The following PGS1 variants were observed in gnomAD, a reference collection of about 807,000 sequenced individuals.
PGS1 encodes the protein CDP-diacylglycerol--glycerol-3-phosphate 3-phosphatidyltransferase, mitochondrial.
A neutral mutation model predicts 58.3 loss-of-function variants in PGS1; 44 were observed. That is an observed-to-expected ratio of 0.75 (90% CI 0.59 to 0.97). The LOEUF (loss-of-function observed/expected upper bound fraction) is 0.97, where lower values mean the gene tolerates loss of function less well. PGS1 is among the 50% of genes least tolerant of loss of function. The pLI, the probability that PGS1 is intolerant of heterozygous loss-of-function variation, is 0.00. For missense variants in PGS1, 684 were observed against 731.1 expected (o/e 0.94, Z 0.74); for synonymous variants, 330 against 311.0 (o/e 1.06, Z -0.64).
intron 6 of PGS1, among the ~76,000 whole-genome samples, chr17:78,403,230 C>T (rs1041767893): frequency 6.6e-6 from 1 of 152,036 alleles, no homozygotes; most frequent in Non-Finnish European, 1.5e-5. Context: ...ATGTCCCCCC[C>T]AAGGAATTAT....
Position 78,395,144 on chromosome 17 carries a change from T to C in PGS1, c.334-1164T>C, listed in dbSNP as rs535843058. Among the ~76,000 whole-genome samples the C allele has an allele frequency of 5.3e-5, 8 of 152,322 alleles. No homozygotes were observed. The South Asian group carries it at 1.7e-3, about 32-fold the overall frequency. Reference sequence around the variant, plus strand: ...GGCGCACAGCGAGAAGGGAGGACAGTGCTGGTTTCTGCCTGGTCCCCATGT... The same window carrying C: ...GGCGCACAGCGAGAAGGGAGGACAGCGCTGGTTTCTGCCTGGTCCCCATGT... On this transcript the variant is annotated intron_variant, in intron 2 of 9. Transcript: ENST00000262764.
chr17:78,399,262 G>A, intron 4 of PGS1, 86 bp from the exon 5 acceptor site: 1 of 1,036,286 alleles, frequency 9.6e-7, no homozygotes, highest in Non-Finnish European at 1.5e-6. Context: ...ACAGGTGAAG[G>A]CGAGGCCACG....
intron 8 of PGS1, among the ~76,000 whole-genome samples, chr17:78,418,774 C>A (rs991128385): frequency 3.3e-5 from 5 of 152,054 alleles, no homozygotes; most frequent in African/African-American, 1.2e-4. Flanking sequence ...TTGCCCTCAG[C>A]ACTAAGCGTT....
At chr17:78,414,786 G>A in intron 7 of PGS1, 93 bp from the exon 8 acceptor site, 1 of 1,455,912 alleles carries the variant, frequency 6.9e-7, no homozygotes, top group Non-Finnish European at 9.4e-7. Context: ...ACCCAGGGCA[G>A]GCCGCCTTTC....
chr17:78,400,940 C>A lies in PGS1; in HGVS notation c.880+85C>A. 1 of 1,226,454 alleles carries A rather than the reference C, an allele frequency of 8.2e-7. No homozygotes were observed. The highest frequency in any genetic ancestry group is 1.1e-6 in the Non-Finnish European group (1 of 891,504). The allele number at this position is 1,226,454 out of a possible 1,614,324, so 76.0% of individuals were successfully genotyped here. A position where few individuals can be genotyped will look rare whatever the true frequency, so the allele number is the denominator to read the frequency against. The stretch of plus-strand genomic sequence containing the variant: ...AGAGCACAACTCTAGGTGGTTCTGC[C>A]ACAGGCATAGGGGACTTGGGTGGCA... On this transcript the variant is annotated intron_variant, in intron 6 of 9. Coordinates refer to ENST00000262764, the MANE Select transcript of PGS1 (RefSeq NM_024419.5). This position sits in a 1 kb window ranked among gnomAD's most constrained non-coding sequence, Gnocchi z 4.4.
chr17:78,416,485 G>GA (rs2146324582), intron 8 of PGS1, among the ~76,000 whole-genome samples: 1 of 152,324 alleles, frequency 6.6e-6, no homozygotes, highest in African/African-American at 2.4e-5. Context: ...TTGCTTGGGG[G>GA]AGCAAGTCCT....
intron 5 of PGS1, among the ~76,000 whole-genome samples, 171 bp downstream of exon 5, chr17:78,399,708 G>A (rs1263174786): frequency 1.3e-5 from 2 of 152,348 alleles, no homozygotes; most frequent in East Asian, 1.9e-4. Flanking sequence ...ACTGAGGCTA[G>A]AATTCCCCGG....
intron 7 of PGS1, among the ~76,000 whole-genome samples, chr17:78,413,786 G>A (rs1209272700): frequency 6.6e-6 from 1 of 152,228 alleles, no homozygotes; most frequent in African/African-American, 2.4e-5. Flanking sequence ...CTGGGCTGCG[G>A]GAGTCGGCCC....
At chr17:78,397,333 T>C (rs1209313422) in intron 3 of PGS1, among the ~76,000 whole-genome samples, 1 of 152,216 alleles carries the variant, frequency 6.6e-6, no homozygotes, top group Admixed American at 6.5e-5. Context: ...TCTTGGTCTG[T>C]CCTTGTTCAG....
intron 7 of PGS1, among the ~76,000 whole-genome samples, chr17:78,404,808 G>A (rs542383453): frequency 6.6e-6 from 1 of 152,240 alleles, no homozygotes; most frequent in South Asian, 2.1e-4. Context: ...TTACAGGCCT[G>A]TACCACCACG....
intron 2 of PGS1, among the ~76,000 whole-genome samples, chr17:78,395,289 C>T (rs1330176001): frequency 6.6e-6 from 1 of 152,178 alleles, no homozygotes; most frequent in Non-Finnish European, 1.5e-5. Flanking sequence ...TCATCACCCC[C>T]ACAAACATCT....
chr17:78,396,031 C>T (rs565737648), intron 2 of PGS1, among the ~76,000 whole-genome samples: 1 of 152,390 alleles, frequency 6.6e-6, no homozygotes, highest in East Asian at 1.9e-4. Context: ...TGAGCCACTA[C>T]ACCCAGCCTG....
rs79238954 is a variant in PGS1, at chr17:78,398,888, G to C, written c.512-460G>C. On this transcript the variant is annotated intron_variant, in intron 4 of 9. Coordinates refer to ENST00000262764, the MANE Select transcript of PGS1 (RefSeq NM_024419.5). Reference sequence around the variant, plus strand: ...CTTTTGGAAGAGTCTGATTCCATGAGAATCGGGTCAAAGCTCCTGACTGGC... The same window carrying C: ...CTTTTGGAAGAGTCTGATTCCATGACAATCGGGTCAAAGCTCCTGACTGGC... 1.1e-3 allele frequency among the ~76,000 whole-genome samples: 175 copies of C among 152,288 alleles called. 5 individuals are homozygous for C. The East Asian group carries it at 0.033, about 29-fold the overall frequency.
intron 4 of PGS1, among the ~76,000 whole-genome samples, chr17:78,398,923 G>T (rs1194053268): frequency 1.3e-5 from 2 of 152,232 alleles, no homozygotes; most frequent in African/African-American, 4.8e-5. Context: ...CCTGACGGTG[G>T]CATGCCCAGC....
intron 7 of PGS1, among the ~76,000 whole-genome samples, chr17:78,407,088 T>A (rs920278697): frequency 6.6e-6 from 1 of 150,574 alleles, no homozygotes; most frequent in East Asian, 2.0e-4. Flanking sequence ...GGGCGGGGGG[T>A]GCCCTGCAAC....
intron 8 of PGS1, among the ~76,000 whole-genome samples, chr17:78,417,114 A>C (rs2085260895): frequency 6.6e-6 from 1 of 152,234 alleles, no homozygotes; most frequent in African/African-American, 2.4e-5. Flanking sequence ...AACACAGTTT[A>C]CCACTTGTGA....
rs3031603 is a variant in PGS1 at position 78,418,861 on chromosome 17, CTG to C, written c.1552-681_1552-680del. Among the ~76,000 whole-genome samples the C allele has an allele frequency of 2.0e-3, 302 of 152,234 alleles. 6 individuals carry two copies. In the East Asian group the frequency reaches 0.047, roughly 24 times the overall value. ...TTGTGCCAATTTGATAGAAGAAAAA[CTG>C]TGTCTCATTTAAAAAATACCTCATT... On this transcript the variant is annotated intron_variant, in intron 8 of 9. Coordinates refer to ENST00000262764, the MANE Select transcript of PGS1 (RefSeq NM_024419.5).
Position 78,400,840 on chromosome 17 carries a change from G to T in PGS1, c.865G>T (p.Val289Leu). The T allele has an allele frequency of 6.2e-7, 1 of 1,605,674 alleles. No individual in the cohort carries two copies. Among genetic ancestry groups the T allele is most frequent in the Non-Finnish European group, 8.5e-7 (1 of 1,174,502 alleles). Reference protein sequence around the residue: ...DDTVQVVDGMVHPYKGDRAEY... With the variant: ...DDTVQVVDGMLHPYKGDRAEY... Reference sequence around the variant, plus strand: ...CACGGTGCAGGTGGTGGATGGGATGGTGCATCCTTACAAAGGTAGGGGCTG... The same window carrying T: ...CACGGTGCAGGTGGTGGATGGGATGTTGCATCCTTACAAAGGTAGGGGCTG... The change falls in exon 6 of 10, where the codon GTG becomes TTG. Residue 289 changes from valine to leucine, a missense_variant. Transcript: ENST00000262764. This position sits in a 1 kb window ranked among gnomAD's most constrained non-coding sequence, Gnocchi z 4.4.
chr17:78,390,062 T>TTCCCCCCCCCCCCCCCCCC (rs2082704736), intron 1 of PGS1, among the ~76,000 whole-genome samples: 1 of 128,602 alleles, frequency 7.8e-6, no homozygotes, highest in Admixed American at 8.0e-5. Flanking sequence ...TGTTGCCTGT[T>TTCCCCCCCCCCCCCCCCCC]CCCCCGCCCC....
Sources: gnomAD v4.1 joint callset for allele counts (sites outside exome capture counted in the v4.1 genomes callset) on GRCh38, gnomAD v4.1.1 for gene constraint, Gnocchi (gnomAD v3.1) non-coding constraint, MANE v1.5 for transcripts, NCBI Gene and HGNC (gene_info 2026-07-23, HGNC 2026-07-21) for gene names.